CDH22: variants seen among roughly 807,000 people sequenced by gnomAD.
CDH22 encodes cadherin-22.
CDH22 carries 30 observed loss-of-function variants against 58.4 expected under a neutral mutation model. That is an observed-to-expected ratio of 0.51 (90% CI 0.38 to 0.70). The LOEUF (loss-of-function observed/expected upper bound fraction) is 0.70. CDH22 is among the 30% of genes least tolerant of loss of function. The pLI is 0.00. For missense variants in CDH22, 1,014 were observed against 1,233.9 expected (o/e 0.82, Z 2.67); for synonymous variants, 513 against 558.2 (o/e 0.92, Z 1.14).
At chr20:46,235,481 C>T (rs2086246119) in intron 3 of CDH22, among the ~76,000 whole-genome samples, 1 of 152,212 alleles carries the variant, frequency 6.6e-6, no homozygotes, top group South Asian at 2.1e-4. Flanking sequence ...ACTCATAGAT[C>T]CAACTGTCCC....
intron 1 of CDH22, among the ~76,000 whole-genome samples, chr20:46,279,239 C>T (rs2086536734): frequency 6.6e-6 from 1 of 152,178 alleles, no homozygotes; most frequent in Non-Finnish European, 1.5e-5. Context: ...ATAAGCCCCA[C>T]CCTGGTCCAT....
At chr20:46,244,517 C>A (rs1568671505) in intron 2 of CDH22, among the ~76,000 whole-genome samples, 1 of 152,240 alleles carries the variant, frequency 6.6e-6, no homozygotes, top group Non-Finnish European at 1.5e-5. Flanking sequence ...TATTGAGAAC[C>A]TACTATGTGT....
rs1285012847 is a variant in CDH22, at chr20:46,184,322, C to T, written c.1663+2266G>A. Among the ~76,000 whole-genome samples the T allele has an allele frequency of 2.0e-5, 3 of 152,188 alleles. 1 individual carries two copies. The South Asian group carries it at 6.2e-4, about 32-fold the overall frequency. On this transcript the variant is annotated intron_variant, in intron 10 of 11. Coordinates refer to ENST00000537909, the MANE Select transcript of CDH22 (RefSeq NM_021248.3). ...CCATGTTGGCCAGGCTGGTCTCGAA[C>T]TTCTGACCTCAACTAATCCGCCCAC...
chr20:46,177,111 C>T (rs1291201709), intron 11 of CDH22, among the ~76,000 whole-genome samples: 1 of 152,136 alleles, frequency 6.6e-6, no homozygotes, highest in African/African-American at 2.4e-5. Context: ...TGGCCATAGG[C>T]AGGTCCTCAG....
intron 3 of CDH22, among the ~76,000 whole-genome samples, chr20:46,238,202 C>G (rs1335852893): frequency 6.6e-6 from 1 of 152,204 alleles, no homozygotes; most frequent in Non-Finnish European, 1.5e-5. Context: ...AGCATCAGCT[C>G]TCCCCACCTT....
intron 10 of CDH22, among the ~76,000 whole-genome samples, chr20:46,180,139 C>T (rs867086651): frequency 3.4e-4 from 52 of 152,230 alleles, no homozygotes; most frequent in South Asian, 1.2e-3. Context: ...ACTGCATGGC[C>T]AGCCAGGGCT....
chr20:46,185,668 T>C (rs953786529), intron 10 of CDH22, among the ~76,000 whole-genome samples: 3 of 149,732 alleles, frequency 2.0e-5, no homozygotes, highest in African/African-American at 4.9e-5. Context: ...AGGAGCTCGA[T>C]ACCAGCCTGG....
At chr20:46,195,619 C>A (rs1487152139) in intron 8 of CDH22, among the ~76,000 whole-genome samples, 3 of 148,752 alleles carry the variant, frequency 2.0e-5, no homozygotes, top group Admixed American at 2.0e-4. Flanking sequence ...CCTAGACCCC[C>A]CCCCCACCCA....
chr20:46,295,728 A>G (rs191183846), intron 1 of CDH22, among the ~76,000 whole-genome samples: 24 of 152,306 alleles, frequency 1.6e-4, no homozygotes, highest in Non-Finnish European at 2.6e-4. Context: ...GTCTTGCCTG[A>G]TAGTCAAAAG....
chr20:46,176,520 A>G lies in CDH22; in HGVS notation c.1915+1426T>C, dbSNP rs188773820. ...TGGGAGGAACTCACTGGATGGATGT[A>G]TAGGTAAATGATGATGGGTGGATGG... On this transcript the variant is annotated intron_variant, in intron 11 of 11. Transcript: ENST00000537909. Among the ~76,000 whole-genome samples, 233 of 152,322 alleles carry G rather than the reference A, an allele frequency of 1.5e-3. 2 individuals carry two copies. The highest frequency in any genetic ancestry group is 5.3e-3 in the African/African-American group (220 of 41,574).
At chr20:46,232,926 A>C (rs1328940220) in intron 3 of CDH22, among the ~76,000 whole-genome samples, 1 of 152,230 alleles carries the variant, frequency 6.6e-6, no homozygotes, top group Non-Finnish European at 1.5e-5. Context: ...TCCAGAGACA[A>C]GTGACAGAGA....
In CDH22 at chr20:46,177,976, C is replaced by T. The variant is rs746538841; in HGVS notation, c.1885G>A (p.Ala629Thr). The T allele has an allele frequency of 5.6e-6, 9 of 1,613,844 alleles. No homozygotes were observed. Among genetic ancestry groups the T allele is most frequent in the South Asian group, 3.3e-5 (3 of 91,066 alleles). Residue 629 changes from alanine (A) to threonine (T), a missense_variant, in exon 11 of 12, where the codon GCC (alanine) becomes ACC (threonine). Transcript: ENST00000537909. ...AASLSPGALI[A>T]LLVCVLILVV... ...AGGATGAGAACGCAGACCAAGAGGG[C>T]GATGAGGGCGCCGGGGCTGAGGGAG...
chr20:46,197,310 A>C (rs2085912590), intron 8 of CDH22, among the ~76,000 whole-genome samples: 2 of 148,764 alleles, frequency 1.3e-5, no homozygotes, highest in South Asian at 4.2e-4. Context: ...ATATATATAT[A>C]TATATATACA....
chr20:46,292,809 G>A (rs1228005919), intron 1 of CDH22, among the ~76,000 whole-genome samples: 2 of 152,150 alleles, frequency 1.3e-5, no homozygotes, highest in East Asian at 3.9e-4. Context: ...TTTTAAGACT[G>A]AGCCCAAGTC....
At chr20:46,306,028 C>T (rs1031993627) in intron 1 of CDH22, among the ~76,000 whole-genome samples, 11 of 152,274 alleles carry the variant, frequency 7.2e-5, no homozygotes, top group Non-Finnish European at 1.6e-4. Flanking sequence ...CCGGAGGTCA[C>T]AACACACTTT....
chr20:46,205,461 T>A (rs531690947), intron 7 of CDH22, among the ~76,000 whole-genome samples: 12 of 152,268 alleles, frequency 7.9e-5, no homozygotes, highest in African/African-American at 2.9e-4. Context: ...TGAGCTGGGA[T>A]TTGAACCCAG....
At chr20:46,282,750 C>G (rs1270572468) in intron 1 of CDH22, among the ~76,000 whole-genome samples, 4 of 149,774 alleles carry the variant, frequency 2.7e-5, no homozygotes, top group East Asian at 4.1e-4. Flanking sequence ...AGTTCTCCCC[C>G]GGGGGAGGGA....
chr20:46,268,324 C>A (rs1349832272), intron 1 of CDH22, among the ~76,000 whole-genome samples: 1 of 152,250 alleles, frequency 6.6e-6, no homozygotes, highest in Non-Finnish European at 1.5e-5. Context: ...GGATCAGTGC[C>A]CCAGATCTTG....
In CDH22 at chr20:46,174,608, G is replaced by C. The variant is rs764086769; in HGVS notation, c.2385C>G (p.Ser795=). 1.8e-5 allele frequency: 27 copies of C among 1,538,568 alleles called. No homozygotes were observed. Among genetic ancestry groups the C allele is most frequent in the Non-Finnish European group, 2.3e-5 (26 of 1,147,174 alleles). Residue 795 remains serine (S), a synonymous_variant, in exon 12 of 12, where the codon TCC becomes TCG. Transcript: ENST00000537909. This position sits in a 1 kb window ranked among gnomAD's most constrained non-coding sequence, Gnocchi z 4.4. ...LSSLHSGSSG[S]EQDFAYLSSW... ...TGCTGAGATAGGCGAAGTCCTGCTC[G>C]GAGCCCGACGAGCCGCTGTGCAGGG...
Sources: allele counts gnomAD v4.1 joint callset (sites outside exome capture counted in the v4.1 genomes callset), GRCh38; gene constraint gnomAD v4.1.1; non-coding constraint Gnocchi (gnomAD v3.1); transcripts MANE v1.5; gene names NCBI Gene and HGNC (gene_info 2026-07-23, HGNC 2026-07-21).